Variants in GAREM1 observed in about 807,000 individuals in gnomAD.
GAREM1 encodes the protein GRB2-associated and regulator of MAPK protein 1.
Under a neutral mutation model 71.3 loss-of-function variants are expected in GAREM1, and 26 were observed. The ratio of observed to expected loss-of-function variants is 0.36; its 90% confidence interval spans 0.27 to 0.51. The LOEUF (loss-of-function observed/expected upper bound fraction) is 0.51. Among genes scored for constraint, GAREM1 ranks in the 20% least tolerant of loss-of-function variants. The pLI, the probability that GAREM1 is intolerant of heterozygous loss-of-function variation, is 0.95. For missense variants in GAREM1, 1,026 were observed against 1,103.1 expected (o/e 0.93, Z 0.99); for synonymous variants, 440 against 433.2 (o/e 1.02, Z -0.20).
intron 1 of GAREM1, among the ~76,000 whole-genome samples, chr18:32,465,730 T>A (rs1267629089): frequency 6.6e-6 from 1 of 152,194 alleles, no homozygotes; most frequent in Non-Finnish European, 1.5e-5. Context: ...GGTCTCATCA[T>A]CACAACTGTA....
chr18:32,412,187 C>T, intron 1 of GAREM1: 1 of 1,549,434 alleles, frequency 6.5e-7, no homozygotes, highest in Middle Eastern at 2.1e-4. Flanking sequence ...CTCTGGCTCT[C>T]CTCTCCTGCT....
rs759649283 is a variant in GAREM1, at chr18:32,287,928, A to G, written c.669T>C (p.Ser223=). The G allele has an allele frequency of 6.2e-6, 10 of 1,613,798 alleles. No homozygotes were observed. Among genetic ancestry groups the G allele is most frequent in the Non-Finnish European group, 7.6e-6 (9 of 1,179,962 alleles). ...FQCKGRFSTR[S]PLELQMQEGE... Reference sequence around the variant, plus strand: ...CCTCTTGCATCTGAAGTTCCAGGGGACTTCGGGTGCTAAATCTGCCCTTGC... The same window carrying G: ...CCTCTTGCATCTGAAGTTCCAGGGGGCTTCGGGTGCTAAATCTGCCCTTGC... Residue 223 remains serine (S), a synonymous_variant, in exon 4 of 6, where the codon AGT becomes AGC. Coordinates refer to ENST00000269209, the MANE Select transcript of GAREM1 (RefSeq NM_001242409.2). This position sits in a 1 kb window ranked among gnomAD's most constrained non-coding sequence, Gnocchi z 5.9.
chr18:32,266,159 A>G lies in GAREM1; in HGVS notation c.*1712T>C, dbSNP rs1464410356. ...TTTTGATAAAGGAGATCTAAGATGG[A>G]AAATTGGGTATCAATTCACTTCAAC... On this transcript the variant is annotated 3_prime_UTR_variant, in exon 6 of 6. Transcript: ENST00000269209. 1.3e-5 allele frequency: 2 copies of G among 152,168 alleles called. No individual in the cohort carries two copies. The highest frequency in any genetic ancestry group is 6.5e-5 in the Admixed American group (1 of 15,274). 9.4% of individuals were successfully genotyped at this position (152,168 alleles called of 1,614,324 possible).
intron 1 of GAREM1, among the ~76,000 whole-genome samples, chr18:32,434,836 C>A (rs2048659080): frequency 6.6e-6 from 1 of 152,092 alleles, no homozygotes; most frequent in Non-Finnish European, 1.5e-5. Flanking sequence ...AGGATAGATA[C>A]ACATTTCCAA....
chr18:32,286,949 A>C, intron 4 of GAREM1, 82 bp downstream of exon 4: 1 of 993,606 alleles, frequency 1.0e-6, no homozygotes, highest in Admixed American at 2.1e-5. Context: ...TCAGTTGGGG[A>C]GTTTTAAGAA....
At chr18:32,330,359 T>TG (rs2047519778) in intron 2 of GAREM1, among the ~76,000 whole-genome samples, 1 of 152,014 alleles carries the variant, frequency 6.6e-6, no homozygotes, top group Non-Finnish European at 1.5e-5. Flanking sequence ...CTACTAGTTG[T>TG]GGGGGGAGGG....
In GAREM1 at chr18:32,463,055, G is replaced by C. The variant is rs537744484; in HGVS notation, c.121+7253C>G. On this transcript the variant is annotated intron_variant, in intron 1 of 5. Coordinates refer to ENST00000269209, the MANE Select transcript of GAREM1 (RefSeq NM_001242409.2). The stretch of plus-strand genomic sequence containing the variant: ...AACAGGTATTGCATATCTCAAAATA[G>C]GTGGAAGAGAGGATTTTATATGTTC... 2.6e-5 allele frequency among the ~76,000 whole-genome samples: 4 copies of C among 151,002 alleles called. No homozygotes were observed. The South Asian group carries it at 8.4e-4, about 32-fold the overall frequency.
Position 32,267,285 on chromosome 18 carries a change from CAT to C in GAREM1, c.*584_*585del, listed in dbSNP as rs1401445164. The C allele has an allele frequency of 2.6e-5, 4 of 152,136 alleles. No individual in the cohort carries two copies. Among genetic ancestry groups the C allele is most frequent in the Non-Finnish European group, 4.4e-5 (3 of 68,058 alleles). The allele number at this position is 152,136 out of a possible 1,614,324, so 9.4% of individuals were successfully genotyped here. A position where few individuals can be genotyped will look rare whatever the true frequency, so the allele number is the denominator to read the frequency against. The stretch of plus-strand genomic sequence containing the variant: ...TGATTTGTGTGATTTCTAAGGACAA[CAT>C]ATATCCCTTTATCAACATATGACTC... On this transcript the variant is annotated 3_prime_UTR_variant, in exon 6 of 6. Transcript: ENST00000269209.
At chr18:32,303,758 A>G (rs1414696058) in intron 3 of GAREM1, among the ~76,000 whole-genome samples, 11 of 152,110 alleles carry the variant, frequency 7.2e-5, no homozygotes, top group Non-Finnish European at 1.6e-4. Context: ...ATCTCTACAG[A>G]AAAAATTTAA....
intron 2 of GAREM1, among the ~76,000 whole-genome samples, chr18:32,387,867 T>C (rs531100496): frequency 1.3e-5 from 2 of 152,282 alleles, no homozygotes; most frequent in South Asian, 2.1e-4. Flanking sequence ...GTAACACATA[T>C]CTTTAAAACG....
In GAREM1 at chr18:32,263,858, A is replaced by AATTATCTGAGC. The variant is rs1413427108; in HGVS notation, c.*4002_*4012dup. 5 of 152,352 alleles carry AATTATCTGAGC rather than the reference A, an allele frequency of 3.3e-5. No homozygotes were observed. Among genetic ancestry groups the AATTATCTGAGC allele is most frequent in the African/African-American group, 1.2e-4 (5 of 41,582 alleles). The allele number at this position is 152,352 out of a possible 1,614,324, so 9.4% of individuals were successfully genotyped here. The stretch of plus-strand genomic sequence containing the variant: ...TGGGAGAAAAGGTTTATAGCTAAGA[A>AATTATCTGAGC]ATTATCTGAGCCCTACTACATGAGA... On this transcript the variant is annotated 3_prime_UTR_variant, in exon 6 of 6. Coordinates refer to ENST00000269209, the MANE Select transcript of GAREM1 (RefSeq NM_001242409.2).
intron 1 of GAREM1, among the ~76,000 whole-genome samples, chr18:32,462,832 G>A (rs1328636569): frequency 6.6e-6 from 1 of 152,080 alleles, no homozygotes; most frequent in Non-Finnish European, 1.5e-5. Context: ...ATAGATAGGG[G>A]TCCAGCAATC....
Position 32,304,293 on chromosome 18 carries a change from C to T in GAREM1, c.393+5900G>A, listed in dbSNP as rs190006256. 2.5e-3 allele frequency among the ~76,000 whole-genome samples: 382 copies of T among 150,712 alleles called. 2 individuals are homozygous for T. The highest frequency in any genetic ancestry group is 9.0e-3 in the African/African-American group (369 of 40,958). The stretch of plus-strand genomic sequence containing the variant: ...TTGCACTCCAGCCTGGGTGACAGAG[C>T]GAGACTCTGTCTCAAAAAAAAATAA... On this transcript the variant is annotated intron_variant, in intron 3 of 5. Transcript: ENST00000269209.
At chr18:32,351,809 T>C (rs1181122425) in intron 2 of GAREM1, among the ~76,000 whole-genome samples, 2 of 152,116 alleles carry the variant, frequency 1.3e-5, no homozygotes, top group Non-Finnish European at 2.9e-5. Flanking sequence ...CCTGACCGGC[T>C]ACCCTACTTT....
At chr18:32,420,758 A>G (rs530111544) in intron 1 of GAREM1, among the ~76,000 whole-genome samples, 1 of 151,800 alleles carries the variant, frequency 6.6e-6, no homozygotes, top group East Asian at 1.9e-4. Context: ...CAAAAATGAA[A>G]AAAAAAAAAA....
intron 2 of GAREM1, among the ~76,000 whole-genome samples, chr18:32,337,874 C>T (rs958124502): frequency 2.6e-5 from 4 of 152,162 alleles, no homozygotes; most frequent in African/African-American, 9.7e-5. Flanking sequence ...GCATTTCTAC[C>T]TTAACCGGCT....
intron 3 of GAREM1, among the ~76,000 whole-genome samples, chr18:32,304,222 G>A (rs8090779): frequency 0.026 from 3,915 of 151,382 alleles, 173 homozygotes; most frequent in African/African-American, 0.087. Context: ...CAGGAGAATC[G>A]CTTGGACCTG....
intron 2 of GAREM1, among the ~76,000 whole-genome samples, chr18:32,390,424 G>A (rs1248773044): frequency 6.6e-6 from 1 of 152,066 alleles, no homozygotes; most frequent in Non-Finnish European, 1.5e-5. Context: ...CATGACCAGC[G>A]ATTCATTCTA....
Position 32,442,604 on chromosome 18 carries a change from T to C in GAREM1, c.121+27704A>G, listed in dbSNP as rs899066036. ...CATATTATTTGAGGAAGAGAATATA[T>C]TGTGAAGTTGCCAGAACTCAACTTT... is the stretch of plus-strand genomic sequence containing the variant. On this transcript the variant is annotated intron_variant, in intron 1 of 5. Transcript: ENST00000269209. Among the ~76,000 whole-genome samples the C allele has an allele frequency of 3.3e-5, 5 of 152,240 alleles. No individual in the cohort carries two copies. The East Asian group carries it at 9.6e-4, about 29-fold the overall frequency.
Sources: gnomAD v4.1 joint callset for allele counts (sites outside exome capture counted in the v4.1 genomes callset) on GRCh38, gnomAD v4.1.1 for gene constraint, Gnocchi (gnomAD v3.1) non-coding constraint, MANE v1.5 for transcripts, NCBI Gene and HGNC (gene_info 2026-07-23, HGNC 2026-07-21) for gene names.